Variants in MRPS28 observed in about 807,000 individuals in gnomAD.
MRPS28 encodes the protein small ribosomal subunit protein bS1m.
MRPS28 carries 7 observed loss-of-function variants against 10.8 expected under a neutral mutation model. The ratio of observed to expected loss-of-function variants is 0.65; its 90% CI spans 0.37 to 1.22. MRPS28 has a LOEUF of 1.22. Among genes scored for constraint, MRPS28 ranks in the 50% most tolerant of loss-of-function variants. MRPS28 has a pLI of 0.02. For missense variants in MRPS28, 265 were observed against 232.9 expected, an observed-to-expected ratio of 1.14 and a Z score of -0.90; for synonymous variants, 121 against 93.3, an observed-to-expected ratio of 1.30 and a Z score of -1.71.
chr8:79,918,973 A>C lies in MRPS28; in HGVS notation c.*7T>G. ...GCAAAGGAGTCAATCCACTAAGCAA[A>C]GTTCATTTATTTTTCATGATGTTCT... is the stretch of plus-strand genomic sequence containing the variant. On this transcript the variant is annotated 3_prime_UTR_variant, in exon 3 of 3. Transcript: ENST00000276585. 2.0e-6 allele frequency: 3 copies of C among 1,529,076 alleles called. No homozygotes were observed. The highest frequency in any genetic ancestry group is 2.6e-6 in the Non-Finnish European group (3 of 1,138,664). The allele number at this position is 1,529,076 out of a possible 1,614,324, so 94.7% of individuals were successfully genotyped here.
At chr8:79,969,804 T>C (rs1031131655) in intron 2 of MRPS28, among the ~76,000 whole-genome samples, 1 of 152,142 alleles carries the variant, frequency 6.6e-6, no homozygotes, top group Non-Finnish European at 1.5e-5. Flanking sequence ...GAAAACTAAA[T>C]TGGTGCTCAG....
At chr8:79,989,004 A>G (rs1221339176) in intron 2 of MRPS28, among the ~76,000 whole-genome samples, 4 of 152,230 alleles carry the variant, frequency 2.6e-5, no homozygotes, top group Non-Finnish European at 5.9e-5. Context: ...CTGAGAAGGG[A>G]ATAGCCAATA....
chr8:79,988,104 G>A (rs1232367355), intron 2 of MRPS28, among the ~76,000 whole-genome samples: 1 of 151,850 alleles, frequency 6.6e-6, no homozygotes, highest in Non-Finnish European at 1.5e-5. Context: ...AAAAAATGAT[G>A]AGTTCATGTC....
At chr8:79,945,797 T>C (rs561260884) in intron 2 of MRPS28, among the ~76,000 whole-genome samples, 1 of 152,318 alleles carries the variant, frequency 6.6e-6, no homozygotes, top group Admixed American at 6.5e-5. Context: ...TAAAAAGTTA[T>C]GAGAAAATAA....
chr8:80,009,734 C>T (rs1195540396), intron 1 of MRPS28, among the ~76,000 whole-genome samples: 1 of 151,954 alleles, frequency 6.6e-6, no homozygotes, highest in African/African-American at 2.4e-5. Flanking sequence ...AGAAGAGTGC[C>T]TGTATATCAA....
chr8:80,000,006 A>G (rs1563538503), intron 2 of MRPS28, among the ~76,000 whole-genome samples: 1 of 152,188 alleles, frequency 6.6e-6, no homozygotes, highest in Admixed American at 6.5e-5. Flanking sequence ...GTAATTACCA[A>G]TATTTTAAAT....
At chr8:80,011,751 A>C (rs139591351) in intron 1 of MRPS28, among the ~76,000 whole-genome samples, 2,284 of 152,166 alleles carry the variant, frequency 0.015, 31 homozygotes, top group Non-Finnish European at 0.024. Flanking sequence ...AGACTCTCAA[A>C]AAAAAACAAC....
At chr8:79,963,784 G>C (rs954927645) in intron 2 of MRPS28, among the ~76,000 whole-genome samples, 26 of 152,046 alleles carry the variant, frequency 1.7e-4, no homozygotes, top group African/African-American at 6.3e-4. Context: ...CAGCTCAGTG[G>C]GGGCTAAAGA....
At chr8:80,007,704 C>A (rs939475986) in intron 1 of MRPS28, among the ~76,000 whole-genome samples, 1 of 152,076 alleles carries the variant, frequency 6.6e-6, no homozygotes, top group Non-Finnish European at 1.5e-5. Context: ...ACCTAGGAAT[C>A]CAACTTACAA....
chr8:79,959,952 T>C (rs1421989043), intron 2 of MRPS28, among the ~76,000 whole-genome samples: 2 of 152,138 alleles, frequency 1.3e-5, no homozygotes, highest in African/African-American at 4.8e-5. Flanking sequence ...TTTAAACGTC[T>C]CAACACTGCC....
At chr8:79,940,094 G>A (rs186095658) in intron 2 of MRPS28, among the ~76,000 whole-genome samples, 1 of 152,180 alleles carries the variant, frequency 6.6e-6, no homozygotes, top group African/African-American at 2.4e-5. Flanking sequence ...GTTGAAAGCT[G>A]ATTTCTGGGC....
intron 1 of MRPS28, among the ~76,000 whole-genome samples, chr8:80,004,231 C>A (rs889700587): frequency 2.0e-5 from 3 of 152,214 alleles, no homozygotes; most frequent in African/African-American, 4.8e-5. Context: ...CTGGGAGGCA[C>A]CCCCAAGTAG....
chr8:79,938,213 A>T (rs1289815407), intron 2 of MRPS28, among the ~76,000 whole-genome samples: 1 of 122,454 alleles, frequency 8.2e-6, no homozygotes, highest in African/African-American at 2.6e-5. Flanking sequence ...CGAGTGCTAC[A>T]TTAAAAAGAC....
chr8:79,964,382 A>C (rs1490253245), intron 2 of MRPS28, among the ~76,000 whole-genome samples: 1 of 152,144 alleles, frequency 6.6e-6, no homozygotes, highest in African/African-American at 2.4e-5. Flanking sequence ...GGAGACTATA[A>C]ACAGACAGAT....
chr8:79,962,771 C>T (rs942315254), intron 2 of MRPS28, among the ~76,000 whole-genome samples: 6 of 152,070 alleles, frequency 3.9e-5, no homozygotes, highest in Admixed American at 6.6e-5. Flanking sequence ...TTAGTTGGAA[C>T]GCAATTCTAA....
In MRPS28 at chr8:79,986,977, G is replaced by A. The variant is rs1368467737; in HGVS notation, c.395+16022C>T. Reference sequence around the variant, plus strand: ...GAGCCCACATCGCCAAGTCAATCCTGAGCCAAAAGAACAAAGCTGGAGGCA... The same window carrying A: ...GAGCCCACATCGCCAAGTCAATCCTAAGCCAAAAGAACAAAGCTGGAGGCA... On this transcript the variant is annotated intron_variant, in intron 2 of 2. Transcript: ENST00000276585. Among the ~76,000 whole-genome samples, 24 of 152,160 alleles carry A rather than the reference G, an allele frequency of 1.6e-4. No homozygotes were observed. The South Asian group carries it at 4.0e-3, about 25-fold the overall frequency.
intron 2 of MRPS28, among the ~76,000 whole-genome samples, chr8:79,964,929 A>C (rs1241729940): frequency 4.6e-5 from 7 of 152,152 alleles, no homozygotes. Context: ...CAGATGATCA[A>C]GATCACTGTT....
At chr8:80,026,001 G>A (rs753336018) in intron 1 of MRPS28, among the ~76,000 whole-genome samples, 5 of 152,118 alleles carry the variant, frequency 3.3e-5, no homozygotes, top group Non-Finnish European at 4.4e-5. Context: ...ACACTCTCCA[G>A]CCTTGAGAAA....
chr8:79,985,728 A>C (rs947277595), intron 2 of MRPS28, among the ~76,000 whole-genome samples: 4 of 152,260 alleles, frequency 2.6e-5, no homozygotes, highest in African/African-American at 9.6e-5. Flanking sequence ...TAAACCAGGA[A>C]GAAGTTGACT....
Sources: gnomAD v4.1 joint callset for allele counts (sites outside exome capture counted in the v4.1 genomes callset) on GRCh38, gnomAD v4.1.1 for gene constraint, MANE v1.5 for transcripts, NCBI Gene and HGNC (gene_info 2026-07-23, HGNC 2026-07-21) for gene names.